TTN: variants seen among roughly 807,000 people sequenced by gnomAD.
TTN encodes titin.
Under a neutral mutation model 3,223.0 loss-of-function variants are expected in TTN, and 1,525 were observed. The ratio of observed to expected loss-of-function variants is 0.47; its 90% CI spans 0.45 to 0.49. The LOEUF is 0.49. Among genes scored for constraint, TTN ranks in the 20% least tolerant of loss-of-function variants. TTN has a pLI of 0.00. For missense variants in TTN, 40,786 were observed against 43,424.0 expected, an observed-to-expected ratio of 0.94 and a Z score of 5.40; for synonymous variants, 14,094 against 15,161.0, an observed-to-expected ratio of 0.93 and a Z score of 5.17.
chr2:178,625,605 G>A (rs184120123), intron 240 of TTN, among the ~76,000 whole-genome samples: 391 of 151,604 alleles, frequency 2.6e-3, no homozygotes, highest in African/African-American at 9.2e-3. Flanking sequence ...TAAGTTTTAG[G>A]GTACATGTGC....
In TTN at chr2:178,608,071, C is replaced by T. The variant is rs369877063; in HGVS notation, c.52716G>A (p.Gly17572=). 6.2e-7 allele frequency: 1 copy of T among 1,611,958 alleles called. No individual in the cohort carries two copies. The highest frequency in any genetic ancestry group is 8.5e-7 in the Non-Finnish European group (1 of 1,178,992). The change falls in exon 276 of 363, where the codon GGG becomes GGA. Residue 17572 remains glycine, a synonymous_variant. Transcript: ENST00000589042. The part of the protein sequence containing the change: ...KTAHDPISPP[G]PPIPRVTDTS... ...TGTCAGTGACTCTTGGGATAGGTGG[C>T]CCAGGAGGAGCTAGAATGAATGAAG...
rs200578829 is a variant in TTN, at chr2:178,588,197, A to G, written c.63210T>C (p.Asn21070=). 47 of 1,583,524 alleles carry G rather than the reference A, an allele frequency of 3.0e-5. 1 individual carries two copies. The South Asian group carries it at 5.1e-4, about 17-fold the overall frequency. ...DPIEPPGPPT[N]FRVVDTTKHS... is the part of the protein sequence containing the mutation. ...GTTTGGTTGTATCAACCACTCTGAA[A>G]TTGGTTGGTGGACCAGGTGGCTCTG... Residue 21070 remains asparagine (N), a synonymous_variant, in exon 305 of 363, where the codon AAT becomes AAC. Coordinates refer to ENST00000589042, the MANE Select transcript of TTN (RefSeq NM_001267550.2).
At chr2:178,704,816 T>C in intron 104 of TTN, 39 bp from the exon 105 acceptor site, 1 of 1,607,718 alleles carries the variant, frequency 6.2e-7, no homozygotes, top group Non-Finnish European at 8.5e-7. Flanking sequence ...TGTTACTCCT[T>C]CCCTTATAAT....
At position 178,671,829 on chromosome 2, in the gene TTN, A is replaced by G; in HGVS notation, c.35227+142T>C. On this transcript the variant is annotated intron_variant, in intron 155 of 362. Coordinates refer to ENST00000589042, the MANE Select transcript of TTN (RefSeq NM_001267550.2). The stretch of plus-strand genomic sequence containing the variant: ...ATACTCCGTGTGGTTAAGAGATATT[A>G]ATCTTTGTGTCAACTAGTTTAAACT... The G allele has an allele frequency of 6.2e-6, 5 of 806,712 alleles. No individual in the cohort carries two copies. The South Asian group carries it at 9.2e-5, about 15-fold the overall frequency. The allele number at this position is 806,712 out of a possible 1,614,324, so 50.0% of individuals were successfully genotyped here.
intron 213 of TTN, 105 bp downstream of exon 213, chr2:178,649,143 A>G (rs2062505217): frequency 6.8e-6 from 6 of 883,602 alleles, no homozygotes; most frequent in Non-Finnish European, 8.2e-6. Flanking sequence ...TCTGTGCAAT[A>G]TGGTTTTAAC....
intron 72 of TTN, 54 bp downstream of exon 72, chr2:178,724,206 G>A: frequency 6.3e-7 from 1 of 1,582,854 alleles, no homozygotes; most frequent in Non-Finnish European, 8.6e-7. Flanking sequence ...TTGAAAGAAG[G>A]AAACTTGTAA....
intron 47 of TTN, chr2:178,748,044 T>A (rs779141171): frequency 2.9e-5 from 47 of 1,612,856 alleles, no homozygotes; most frequent in Non-Finnish European, 3.8e-5. Context: ...GGTTCTAGAG[T>A]GCATTCTTCT....
chr2:178,615,487 A>G lies in TTN; in HGVS notation c.48461-3T>C. 2 of 1,610,544 alleles carry G rather than the reference A, an allele frequency of 1.2e-6. No homozygotes were observed. Among genetic ancestry groups the G allele is most frequent in the Middle Eastern group, 1.7e-4 (1 of 6,032 alleles). On this transcript the variant is annotated splice_polypyrimidine_tract_variant and splice_region_variant and intron_variant, in intron 258 of 362. Transcript: ENST00000589042. The stretch of plus-strand genomic sequence containing the variant: ...ATTCTCTGGTGGGTCAGGTACCGCT[A>G]CAACATTTGGAAGAGAGAGTCAGTC...
chr2:178,796,457 C>A (rs1574945071), intron 6 of TTN, among the ~76,000 whole-genome samples: 1 of 152,260 alleles, frequency 6.6e-6, no homozygotes, highest in East Asian at 1.9e-4. Flanking sequence ...CAACATTAAC[C>A]AGTTTCACGA....
chr2:178,704,371 A>G lies in TTN; in HGVS notation c.29999T>C (p.Leu10000Pro), dbSNP rs768379279. 9.3e-6 allele frequency: 15 copies of G among 1,613,804 alleles called. No homozygotes were observed. The highest frequency in any genetic ancestry group is 1.7e-5 in the Admixed American group (1 of 60,012). ...CATGGTGCAAGTCTGGCCTTCTTTC[A>G]GAGTCACATCCTGAAGATGCCGTTC... ...AWERHLQDVTLKEGQTCTMTC... is the reference protein window; with the variant it reads ...AWERHLQDVTPKEGQTCTMTC... Residue 10000 changes from leucine to proline, a missense_variant, in exon 106 of 363, where the codon CTG becomes CCG. By Grantham distance (98) the Leu-to-Pro change is moderately conservative. Transcript: ENST00000589042.
intron 350 of TTN, 86 bp downstream of exon 350, chr2:178,541,196 T>C (rs1335917095): frequency 2.6e-5 from 34 of 1,284,552 alleles, no homozygotes; most frequent in Non-Finnish European, 3.3e-5. Context: ...TTTTCAAAAG[T>C]CATAGAACTA....
At position 178,549,503 on chromosome 2, in the gene TTN, A is replaced by G. The variant is rs773785610; in HGVS notation, c.92153-30T>C. On this transcript the variant is annotated intron_variant, in intron 338 of 362. Transcript: ENST00000589042. ...AAAACAAAAACAAAACCCCAAATCA[A>G]TTAGATGCATTTGCTTGGAAGGTTA... The G allele has an allele frequency of 5.0e-6, 8 of 1,592,656 alleles. No individual in the cohort carries two copies. The Admixed American group carries it at 6.9e-5, about 14-fold the overall frequency.
At chr2:178,697,358 G>A (rs2073926085) in intron 112 of TTN, among the ~76,000 whole-genome samples, 190 bp from the exon 113 acceptor site, 1 of 151,978 alleles carries the variant, frequency 6.6e-6, no homozygotes, top group African/African-American at 2.4e-5. Flanking sequence ...GCTATGCAAG[G>A]CCATATTAAC....
At chr2:178,695,312 ATGCTCT>A in intron 115 of TTN, 30 bp downstream of exon 115, 1 of 1,541,718 alleles carries the variant, frequency 6.5e-7, no homozygotes, top group Non-Finnish European at 8.9e-7. Context: ...AATGATGTTG[ATGCTCT>A]AGTCTATTTA....
intron 50 of TTN, among the ~76,000 whole-genome samples, 177 bp from the exon 51 acceptor site, chr2:178,735,165 C>A (rs536527081): frequency 6.6e-6 from 1 of 152,190 alleles, no homozygotes. Context: ...CTTTCCCAGT[C>A]TCTTGATTTA....
Position 178,789,302 on chromosome 2 carries a change from A to G in TTN, c.2076+58T>C, listed in dbSNP as rs762951127. 4 of 1,600,432 alleles carry G rather than the reference A, an allele frequency of 2.5e-6. No homozygotes were observed. The African/African-American group carries it at 5.4e-5, about 21-fold the overall frequency. On this transcript the variant is annotated intron_variant, in intron 13 of 362. Transcript: ENST00000589042. ...GTATTACAATAAGGAATTTCACATG[A>G]TATGTGGTATTAATGTATTATAATA... is the stretch of plus-strand genomic sequence containing the variant.
Position 178,723,915 on chromosome 2 carries a change from G to T in TTN, c.21344C>A (p.Thr7115Lys). 6.2e-7 allele frequency: 1 copy of T among 1,613,516 alleles called. No individual in the cohort carries two copies. The highest frequency in any genetic ancestry group is 8.5e-7 in the Non-Finnish European group (1 of 1,179,540). The change falls in exon 73 of 363, where the codon ACA (threonine) becomes AAA (lysine). Residue 7115 changes from threonine to lysine, a missense_variant. Physicochemically the swap from Thr to Lys is moderately conservative, Grantham distance 78. Transcript: ENST00000589042. ...CCCAGCGACATTAGCAGCCACGCAT[G>T]TGTAATTGCCCATATCTGAGGAATC... ...SLDSSDMGNY[T>K]CVAANVAGSD...
At chr2:178,713,685 A>T (rs1414422069) in intron 92 of TTN, 1 of 767,260 alleles carries the variant, frequency 1.3e-6, no homozygotes, top group African/African-American at 1.8e-5. Flanking sequence ...CATTCCTATC[A>T]TCATTTTGGA....
intron 47 of TTN, chr2:178,750,868 G>A (rs2085296064): frequency 6.8e-6 from 11 of 1,612,848 alleles, no homozygotes; most frequent in Non-Finnish European, 8.5e-6. Context: ...TTGTAGTATT[G>A]GCCATAATTT....
Sources: allele counts gnomAD v4.1 joint callset (sites outside exome capture counted in the v4.1 genomes callset), GRCh38; gene constraint gnomAD v4.1.1; transcripts MANE v1.5; gene names NCBI Gene and HGNC (gene_info 2026-07-23, HGNC 2026-07-21).